The following ADGRB3 variants were observed in gnomAD, a reference collection of about 807,000 sequenced individuals.
ADGRB3 encodes the protein brain-specific angiogenesis inhibitor 3.
Under a neutral mutation model 193.4 loss-of-function variants are expected in ADGRB3, and 37 were observed. The observed-to-expected ratio is 0.19, with a 90% CI of 0.15 to 0.25. The LOEUF is 0.25. ADGRB3 is among the 10% of genes least tolerant of loss of function. The pLI is 1.00. For missense variants in ADGRB3, 1,637 were observed against 1,852.9 expected (o/e 0.88, Z 2.14); for synonymous variants, 690 against 644.2 (o/e 1.07, Z -1.08).
chr6:69,204,475 T>G (rs1765494666), intron 17 of ADGRB3, among the ~76,000 whole-genome samples: 1 of 152,102 alleles, frequency 6.6e-6, no homozygotes, highest in Non-Finnish European at 1.5e-5. Context: ...TAAGAGCCAG[T>G]CTCAAAAATC....
intron 3 of ADGRB3, among the ~76,000 whole-genome samples, chr6:68,700,312 A>G (rs1765220883): frequency 6.6e-6 from 1 of 152,122 alleles, no homozygotes; most frequent in Non-Finnish European, 1.5e-5. Context: ...AAGGGCAAAC[A>G]TTACATTTTT....
At chr6:69,351,354 A>G (rs1184270363) in intron 26 of ADGRB3, among the ~76,000 whole-genome samples, 5 of 151,312 alleles carry the variant, frequency 3.3e-5, no homozygotes, top group Admixed American at 6.6e-5. Context: ...TGCCTCCCAA[A>G]GTGCTGGAAT....
intron 3 of ADGRB3, among the ~76,000 whole-genome samples, chr6:68,661,591 T>G (rs925510660): frequency 7.0e-6 from 1 of 142,646 alleles, no homozygotes; most frequent in African/African-American, 2.5e-5. Context: ...TATGGCTATT[T>G]GGATTTAGAT....
At chr6:69,106,091 A>G (rs926146111) in intron 17 of ADGRB3, among the ~76,000 whole-genome samples, 1 of 144,804 alleles carries the variant, frequency 6.9e-6, no homozygotes, top group African/African-American at 2.5e-5. Context: ...CCCGGGAGGC[A>G]GAGGCTGCAA....
At chr6:69,358,064 T>C (rs1189299696) in intron 28 of ADGRB3, among the ~76,000 whole-genome samples, 1 of 151,962 alleles carries the variant, frequency 6.6e-6, no homozygotes, top group Non-Finnish European at 1.5e-5. Flanking sequence ...CCTTCAGTGT[T>C]GTTTTTTTCA....
intron 23 of ADGRB3, among the ~76,000 whole-genome samples, chr6:69,331,011 T>C (rs112200771): frequency 1.4e-3 from 214 of 152,278 alleles, no homozygotes; most frequent in Middle Eastern, 0.01. Context: ...TCAGTGATAC[T>C]GATATTTTGG....
intron 3 of ADGRB3, among the ~76,000 whole-genome samples, chr6:68,866,958 A>G (rs2150217502): frequency 6.6e-6 from 1 of 152,346 alleles, no homozygotes; most frequent in East Asian, 1.9e-4. Context: ...ATTGGAACTT[A>G]TGTTCAAAAG....
chr6:69,321,971 G>T (rs1247748822), intron 20 of ADGRB3, among the ~76,000 whole-genome samples: 1 of 151,714 alleles, frequency 6.6e-6, no homozygotes, highest in East Asian at 1.9e-4. Flanking sequence ...ATTAAGCCTA[G>T]TACCAATTAG....
intron 3 of ADGRB3, among the ~76,000 whole-genome samples, chr6:68,767,038 TA>T (rs1371376696): frequency 6.6e-6 from 1 of 152,100 alleles, no homozygotes; most frequent in South Asian, 2.1e-4. Context: ...ATTTTCTCTA[TA>T]TTTTTTATAT....
intron 18 of ADGRB3, 112 bp downstream of exon 18, chr6:69,233,528 A>G: frequency 1.5e-6 from 2 of 1,298,792 alleles, no homozygotes; most frequent in Non-Finnish European, 2.1e-6. Context: ...TGCAGGGTAC[A>G]AAATTGGGTT....
At chr6:68,873,492 T>C (rs1206254932) in intron 3 of ADGRB3, among the ~76,000 whole-genome samples, 1 of 152,068 alleles carries the variant, frequency 6.6e-6, no homozygotes, top group Non-Finnish European at 1.5e-5. Flanking sequence ...TTTCTATAAG[T>C]GCTAGTGATA....
intron 3 of ADGRB3, among the ~76,000 whole-genome samples, chr6:68,751,710 T>C (rs996618670): frequency 6.6e-6 from 1 of 152,160 alleles, no homozygotes; most frequent in Admixed American, 6.6e-5. Flanking sequence ...CCTCATCTAT[T>C]TGTAGCCATC....
intron 16 of ADGRB3, among the ~76,000 whole-genome samples, chr6:69,068,392 T>A (rs930157713): frequency 2.0e-5 from 3 of 152,344 alleles, no homozygotes; most frequent in South Asian, 2.1e-4. Context: ...GTTATTTAAT[T>A]AATCTATTTC....
At chr6:69,301,789 C>A (rs1767954314) in intron 20 of ADGRB3, among the ~76,000 whole-genome samples, 1 of 151,848 alleles carries the variant, frequency 6.6e-6, no homozygotes, top group Non-Finnish European at 1.5e-5. Flanking sequence ...CCAAAAAAAT[C>A]AGTTTTTCAC....
intron 3 of ADGRB3, among the ~76,000 whole-genome samples, chr6:68,899,931 T>C (rs1766347349): frequency 6.6e-6 from 1 of 152,054 alleles, no homozygotes; most frequent in East Asian, 1.9e-4. Context: ...AATCAGGCGT[T>C]CAGTAGCTGA....
At chr6:69,345,778 T>A (rs985383656) in intron 26 of ADGRB3, among the ~76,000 whole-genome samples, 5 of 151,910 alleles carry the variant, frequency 3.3e-5, no homozygotes, top group African/African-American at 7.3e-5. Context: ...GAGAAAGAAA[T>A]AAAGGGTATT....
At chr6:68,725,430 C>A (rs1360388936) in intron 3 of ADGRB3, among the ~76,000 whole-genome samples, 2 of 151,602 alleles carry the variant, frequency 1.3e-5, no homozygotes, top group Non-Finnish European at 3.0e-5. Context: ...GTGCAGTAGT[C>A]CACATGCCAA....
At chr6:68,852,480 G>C (rs990967634) in intron 3 of ADGRB3, among the ~76,000 whole-genome samples, 5 of 151,940 alleles carry the variant, frequency 3.3e-5, no homozygotes, top group African/African-American at 1.2e-4. Flanking sequence ...ACAATAACTT[G>C]TATATCGTTA....
At chr6:69,108,501 C>G (rs1330836611) in intron 17 of ADGRB3, among the ~76,000 whole-genome samples, 1 of 151,702 alleles carries the variant, frequency 6.6e-6, no homozygotes, top group Non-Finnish European at 1.5e-5. Flanking sequence ...CTTCTTTCAG[C>G]TTGCAATGCA....
Sources: gnomAD v4.1 joint callset for allele counts (sites outside exome capture counted in the v4.1 genomes callset) on GRCh38, gnomAD v4.1.1 for gene constraint, MANE v1.5 for transcripts, NCBI Gene and HGNC (gene_info 2026-07-23, HGNC 2026-07-21) for gene names.